MGRN1: variants seen among roughly 807,000 people sequenced by gnomAD.
MGRN1 encodes the protein E3 ubiquitin-protein ligase MGRN1.
MGRN1 carries 29 observed loss-of-function variants against 69.2 expected under a neutral mutation model. The ratio of observed to expected loss-of-function variants is 0.42; its 90% CI spans 0.31 to 0.57. The LOEUF is 0.57. MGRN1 is among the 20% of genes least tolerant of loss of function. MGRN1 has a pLI of 0.15. For synonymous variants in MGRN1, 470 were observed against 344.2 expected, an observed-to-expected ratio of 1.37 and a Z score of -4.04; for missense variants, 998 against 796.2, an observed-to-expected ratio of 1.25 and a Z score of -3.05.
At chr16:4,670,177 T>TGCC (rs149219525) in intron 8 of MGRN1, among the ~76,000 whole-genome samples, 10,692 of 152,150 alleles carry the variant, frequency 0.07, 859 homozygotes, top group African/African-American at 0.2. Flanking sequence ...TGATTTCTCG[T>TGCC]TCAGGCTCCC....
rs779601948 is a variant in MGRN1, at chr16:4,671,331, A to G, written c.727-60A>G. On this transcript the variant is annotated intron_variant, in intron 8 of 16. Transcript: ENST00000262370. ...GGAGGCAGGGCTAGGCCAGGTGGGT[A>G]TGGAGGAGCCCTCATATGGCAGTTG... is the stretch of plus-strand genomic sequence containing the variant. The G allele has an allele frequency of 1.4e-5, 22 of 1,545,284 alleles. No homozygotes were observed. The African/African-American group carries it at 2.3e-4, about 16-fold the overall frequency.
chr16:4,632,390 TTTTG>T (rs922517679), intron 1 of MGRN1, among the ~76,000 whole-genome samples: 147 of 151,736 alleles, frequency 9.7e-4, no homozygotes, highest in African/African-American at 3.3e-3. Context: ...CAGTGGTTTT[TTTTG>T]TTTGTTTGTT....
chr16:4,670,658 C>A (rs2078918085), intron 8 of MGRN1, among the ~76,000 whole-genome samples: 1 of 152,202 alleles, frequency 6.6e-6, no homozygotes, highest in Non-Finnish European at 1.5e-5. Context: ...GATTCCAGAC[C>A]AGCCTGGGCA....
chr16:4,676,219 G>A lies in MGRN1; in HGVS notation c.956-1244G>A, dbSNP rs533258985. 1.1e-3 allele frequency among the ~76,000 whole-genome samples: 170 copies of A among 152,366 alleles called. 1 individual carries two copies. The highest frequency in any genetic ancestry group is 9.4e-4 in the Non-Finnish European group (64 of 68,030). Reference sequence around the variant, plus strand: ...CAGCCTGTGGCAGATCCTGTAGCAGGGAGGGCCGGCCCAGGCTGTCTGTCG... The same window carrying A: ...CAGCCTGTGGCAGATCCTGTAGCAGAGAGGGCCGGCCCAGGCTGTCTGTCG... On this transcript the variant is annotated intron_variant, in intron 10 of 16. Transcript: ENST00000262370.
intron 8 of MGRN1, among the ~76,000 whole-genome samples, chr16:4,670,036 T>C (rs2078903181): frequency 6.6e-6 from 1 of 152,152 alleles, no homozygotes; most frequent in African/African-American, 2.4e-5. Flanking sequence ...TTTTTAATTT[T>C]TTAAATATTT....
chr16:4,636,771 G>C (rs1178736194), intron 1 of MGRN1, among the ~76,000 whole-genome samples: 2 of 151,944 alleles, frequency 1.3e-5, no homozygotes, highest in African/African-American at 2.4e-5. Context: ...ATGCGAATTG[G>C]CCATCTGTTT....
chr16:4,640,223 A>G (rs1256479454), intron 1 of MGRN1: 4 of 152,330 alleles, frequency 2.6e-5, no homozygotes, highest in Non-Finnish European at 5.9e-5. Flanking sequence ...TGTGGCCTGT[A>G]TGGAAGGGAC....
chr16:4,674,303 T>C (rs564807978), intron 10 of MGRN1, among the ~76,000 whole-genome samples: 1 of 152,104 alleles, frequency 6.6e-6, no homozygotes, highest in East Asian at 1.9e-4. Context: ...TATTTTATTT[T>C]TTTGAGATAG....
At chr16:4,634,167 T>C (rs1181898347) in intron 1 of MGRN1, among the ~76,000 whole-genome samples, 1 of 152,214 alleles carries the variant, frequency 6.6e-6, no homozygotes, top group African/African-American at 2.4e-5. Context: ...TTTTGCTCAA[T>C]GGGGCCCCAG....
chr16:4,667,046 G>A (rs1046288642), intron 7 of MGRN1, among the ~76,000 whole-genome samples: 3 of 152,330 alleles, frequency 2.0e-5, no homozygotes, highest in Admixed American at 6.5e-5. Flanking sequence ...GCACCCTGCC[G>A]TTGCAGGTCT....
intron 10 of MGRN1, 192 bp from the exon 11 acceptor site, chr16:4,677,271 C>T (rs910161491): frequency 1.1e-5 from 5 of 449,574 alleles, no homozygotes; most frequent in South Asian, 4.5e-5. Context: ...TTCTTTCTTC[C>T]CCCATCTTTC....
chr16:4,660,291 C>A (rs1198895959), intron 5 of MGRN1, among the ~76,000 whole-genome samples: 1 of 152,240 alleles, frequency 6.6e-6, no homozygotes. Context: ...GAAGCAGTCC[C>A]TCGCAGGGTG....
rs377687431 is a variant in MGRN1 at position 4,627,530 on chromosome 16, A to G, written c.88+2482A>G. On this transcript the variant is annotated intron_variant, in intron 1 of 16. Coordinates refer to ENST00000262370, the MANE Select transcript of MGRN1 (RefSeq NM_015246.4). ...TGGCCAGGCGCGGTGGCTCACGCCT[A>G]TAATCCCATCACTTTGGGAGGCCAA... Among the ~76,000 whole-genome samples the G allele has an allele frequency of 3.0e-3, 451 of 151,210 alleles. 1 individual carries two copies. The highest frequency in any genetic ancestry group is 4.3e-3 in the Admixed American group (66 of 15,182).
intron 16 of MGRN1, 108 bp downstream of exon 16, chr16:4,684,040 A>T (rs2079250886): frequency 7.1e-6 from 7 of 980,628 alleles, no homozygotes; most frequent in Admixed American, 2.2e-5. Context: ...TGTCCATTGG[A>T]GCCTGGTTCT....
intron 15 of MGRN1, 98 bp from the exon 16 acceptor site, chr16:4,683,745 A>T: frequency 9.6e-7 from 1 of 1,041,274 alleles, no homozygotes; most frequent in Non-Finnish European, 1.4e-6. Flanking sequence ...CACAGTGGCT[A>T]CAGAGCCCTT....
intron 9 of MGRN1, chr16:4,672,374 C>T (rs956372299): frequency 2.2e-6 from 1 of 456,584 alleles, no homozygotes; most frequent in East Asian, 6.9e-5. Context: ...GGCACACTGA[C>T]ATGAGTGAAA....
At chr16:4,653,287 G>C (rs953342099) in intron 4 of MGRN1, among the ~76,000 whole-genome samples, 1 of 152,178 alleles carries the variant, frequency 6.6e-6, no homozygotes, top group Non-Finnish European at 1.5e-5. Flanking sequence ...GGTTCACAGG[G>C]TGAGGTGTGG....
At position 4,681,718 on chromosome 16, in the gene MGRN1, G is replaced by C; in HGVS notation, c.1300G>C (p.Asp434His). 2.5e-6 allele frequency: 4 copies of C among 1,613,070 alleles called. No homozygotes were observed. Among genetic ancestry groups the C allele is most frequent in the South Asian group, 1.1e-5 (1 of 91,048 alleles). The change falls in exon 13 of 17, where the codon GAC (aspartate) becomes CAC (histidine). Residue 434 changes from aspartate (D) to histidine (H), a missense_variant. Coordinates refer to ENST00000262370, the MANE Select transcript of MGRN1 (RefSeq NM_015246.4). The stretch of plus-strand genomic sequence containing the variant: ...GGCCAGCTGTCCCCTCGCGGCTATC[G>C]ACCACATCCTGGACAGCAGCCGCCA... ...SQASCPLAAI[D>H]HILDSSRQKG...
At chr16:4,631,539 A>C (rs762510920) in intron 1 of MGRN1, among the ~76,000 whole-genome samples, 3 of 152,236 alleles carry the variant, frequency 2.0e-5, no homozygotes, top group Non-Finnish European at 4.4e-5. Flanking sequence ...GTCCCCCACA[A>C]TTAAGAATAA....
Sources: allele counts gnomAD v4.1 joint callset (sites outside exome capture counted in the v4.1 genomes callset), GRCh38; gene constraint gnomAD v4.1.1; transcripts MANE v1.5; gene names NCBI Gene and HGNC (gene_info 2026-07-23, HGNC 2026-07-21).